GRM1: variants seen among roughly 807,000 people sequenced by gnomAD.
The protein encoded by GRM1 is metabotropic glutamate receptor 1.
Under a neutral mutation model 90.9 loss-of-function variants are expected in GRM1, and 33 were observed. The ratio of observed to expected loss-of-function variants is 0.36; its 90% CI spans 0.28 to 0.49. The LOEUF is 0.49. Ranked by LOEUF, GRM1 falls within the 20% of genes least tolerant of loss-of-function variation. The probability of loss-of-function intolerance (pLI) is 0.99; values close to 1 mark genes in which losing one functional copy is unlikely to be tolerated. For missense variants in GRM1, 1,190 were observed against 1,534.3 expected (o/e 0.78, Z 3.75); for synonymous variants, 700 against 613.2 (o/e 1.14, Z -2.09).
intron 2 of GRM1, chr6:146,171,418 T>A (rs1778120615): frequency 6.2e-6 from 1 of 161,520 alleles, no homozygotes; most frequent in African/African-American, 2.4e-5. Context: ...AAGGACACTT[T>A]GAGGGAAATT....
intron 2 of GRM1, among the ~76,000 whole-genome samples, chr6:146,167,586 T>C (rs1223794409): frequency 6.6e-6 from 1 of 152,110 alleles, no homozygotes; most frequent in African/African-American, 2.4e-5. Flanking sequence ...GCTATTCCAG[T>C]GGGTGTATCG....
At chr6:146,094,592 G>T (rs1023914891) in intron 1 of GRM1, among the ~76,000 whole-genome samples, 2 of 152,090 alleles carry the variant, frequency 1.3e-5, no homozygotes, top group Non-Finnish European at 2.9e-5. Flanking sequence ...CTGTGTATGT[G>T]TAATTAATCA....
intron 2 of GRM1, among the ~76,000 whole-genome samples, chr6:146,202,528 C>T (rs1779333537): frequency 6.6e-6 from 1 of 152,164 alleles, no homozygotes; most frequent in Admixed American, 6.5e-5. Context: ...ATATCATTTA[C>T]AATTCTTAAC....
Position 146,132,225 on chromosome 6 carries a change from T to G in GRM1, c.701-27123T>G, listed in dbSNP as rs189815967. ...AGTAAATAATTTGATCCAATTATGT[T>G]TAAGATAGCTATGATTTCTAGGTTG... On this transcript the variant is annotated intron_variant, in intron 1 of 7. Coordinates refer to ENST00000282753, the MANE Select transcript of GRM1 (RefSeq NM_001278064.2). Among the ~76,000 whole-genome samples, 3 of 152,258 alleles carry G rather than the reference T, an allele frequency of 2.0e-5. No individual in the cohort carries two copies. The East Asian group carries it at 5.8e-4, about 29-fold the overall frequency.
intron 6 of GRM1, among the ~76,000 whole-genome samples, chr6:146,390,563 A>G (rs192433320): frequency 9.9e-5 from 15 of 152,118 alleles, no homozygotes; most frequent in Non-Finnish European, 1.9e-4. Flanking sequence ...TCAAAAAGAC[A>G]GACTACGCTA....
chr6:146,246,756 G>T (rs979793880), intron 2 of GRM1, among the ~76,000 whole-genome samples: 1 of 152,130 alleles, frequency 6.6e-6, no homozygotes. Flanking sequence ...GATACATATT[G>T]TACTTTGATG....
At chr6:146,202,167 C>T (rs1012089016) in intron 2 of GRM1, among the ~76,000 whole-genome samples, 31 of 152,176 alleles carry the variant, frequency 2.0e-4, no homozygotes, top group Admixed American at 1.8e-3. Context: ...CCTGTATGCA[C>T]ATGCTTCATA....
At chr6:146,108,304 C>T (rs1381216454) in intron 1 of GRM1, among the ~76,000 whole-genome samples, 1 of 152,136 alleles carries the variant, frequency 6.6e-6, no homozygotes, top group Non-Finnish European at 1.5e-5. Context: ...ATTGTAACTC[C>T]CACAATTCCC....
chr6:146,322,574 C>CTTTTCTTTTCTTTTA (rs375962682), intron 3 of GRM1, among the ~76,000 whole-genome samples: 10 of 144,968 alleles, frequency 6.9e-5, no homozygotes, highest in African/African-American at 2.2e-4. Flanking sequence ...TGCTGCCTTT[C>CTTTTCTTTTCTTTTA]TTTTATTTTA....
At chr6:146,053,885 A>G (rs1483312160) in intron 1 of GRM1, among the ~76,000 whole-genome samples, 3 of 152,080 alleles carry the variant, frequency 2.0e-5, no homozygotes, top group African/African-American at 7.2e-5. Flanking sequence ...AGGAGGTTCC[A>G]TATAATGTAT....
intron 1 of GRM1, among the ~76,000 whole-genome samples, chr6:146,091,415 T>C (rs940191539): frequency 6.6e-6 from 1 of 151,976 alleles, no homozygotes; most frequent in Non-Finnish European, 1.5e-5. Flanking sequence ...CTAATAGGGA[T>C]TTAGGTGGAA....
At chr6:146,387,868 G>A (rs914607622) in intron 6 of GRM1, among the ~76,000 whole-genome samples, 1 of 152,052 alleles carries the variant, frequency 6.6e-6, no homozygotes, top group Non-Finnish European at 1.5e-5. Flanking sequence ...TATGATACCC[G>A]CATTTCTGGT....
At chr6:146,372,963 A>G (rs1056224399) in intron 5 of GRM1, among the ~76,000 whole-genome samples, 3 of 152,056 alleles carry the variant, frequency 2.0e-5, no homozygotes, top group Non-Finnish European at 4.4e-5. Flanking sequence ...TTGTGGTTCT[A>G]TACAAACTTT....
intron 1 of GRM1, among the ~76,000 whole-genome samples, chr6:146,058,311 A>T (rs138632561): frequency 1.3e-5 from 2 of 152,290 alleles, no homozygotes; most frequent in African/African-American, 4.8e-5. Context: ...ACTGCAATAA[A>T]GCAAATATTG....
intron 3 of GRM1, among the ~76,000 whole-genome samples, chr6:146,350,719 C>A (rs1362309346): frequency 3.3e-5 from 5 of 152,064 alleles, no homozygotes; most frequent in Non-Finnish European, 2.9e-5. Flanking sequence ...GAAGGAGGAT[C>A]TTTTCTTTCT....
At chr6:146,035,821 T>A (rs939595659) in intron 1 of GRM1, among the ~76,000 whole-genome samples, 4 of 151,996 alleles carry the variant, frequency 2.6e-5, no homozygotes, top group African/African-American at 9.7e-5. Flanking sequence ...TAAACTCATT[T>A]TTAAAGTCAT....
rs1442888294 is a variant in GRM1 at position 146,436,697 on chromosome 6, A to T, written c.*1901A>T. 1.3e-5 allele frequency: 2 copies of T among 152,506 alleles called. No individual in the cohort carries two copies. The highest frequency in any genetic ancestry group is 4.8e-5 in the African/African-American group (2 of 41,428). The allele number at this position is 152,506 out of a possible 1,614,324, so 9.4% of individuals were successfully genotyped here. ...ATCCCTTTTTACCACCAATAAAAGG[A>T]TTTTTCTTGCTGTTTTGATTTCTTC... On this transcript the variant is annotated 3_prime_UTR_variant, in exon 8 of 8. Transcript: ENST00000282753.
intron 1 of GRM1, among the ~76,000 whole-genome samples, chr6:146,146,626 A>G (rs1040366872): frequency 6.6e-6 from 1 of 152,156 alleles, no homozygotes; most frequent in Non-Finnish European, 1.5e-5. Flanking sequence ...ATTGAGAAGT[A>G]GAGCATTAAG....
chr6:146,288,044 C>T (rs1782828695), intron 2 of GRM1, among the ~76,000 whole-genome samples: 1 of 152,142 alleles, frequency 6.6e-6, no homozygotes, highest in Admixed American at 6.5e-5. Flanking sequence ...TGATGCAACA[C>T]ATACATAGAA....
Sources: allele counts gnomAD v4.1 joint callset (sites outside exome capture counted in the v4.1 genomes callset), GRCh38; gene constraint gnomAD v4.1.1; transcripts MANE v1.5; gene names NCBI Gene and HGNC (gene_info 2026-07-23, HGNC 2026-07-21).